The following TSPAN7 variants were observed in gnomAD, a reference collection of about 807,000 sequenced individuals.
TSPAN7 encodes the protein tetraspanin-7.
A neutral mutation model predicts 17.6 loss-of-function variants in TSPAN7; 1 was observed. That is an observed-to-expected ratio of 0.06 (90% CI 0.02 to 0.27). The LOEUF (loss-of-function observed/expected upper bound fraction) is 0.27. Ranked by LOEUF, TSPAN7 falls within the 10% of genes least tolerant of loss-of-function variation. The pLI, the probability that TSPAN7 is intolerant of heterozygous loss-of-function variation, is 1.00. For missense variants in TSPAN7, 112 were observed against 201.7 expected, an observed-to-expected ratio of 0.56 and a Z score of 2.69; for synonymous variants, 78 against 79.0, an observed-to-expected ratio of 0.99 and a Z score of 0.07.
At chrX:38,672,429 T>C (rs771245574) in intron 3 of TSPAN7, among the ~76,000 whole-genome samples, 1 of 110,021 alleles carries the variant, frequency 9.1e-6, no homozygotes, top group East Asian at 2.8e-4. Context: ...TGCTCTCTGC[T>C]CCCCTACTGC....
At chrX:38,643,399 C>A (rs761690852) in intron 1 of TSPAN7, among the ~76,000 whole-genome samples, 22 of 110,648 alleles carry the variant, frequency 2.0e-4, no homozygotes, top group African/African-American at 7.2e-4. Flanking sequence ...ACTGAAACAT[C>A]ACATTGAGAT....
rs953894732 is a variant in TSPAN7, at chrX:38,678,975, C to A, written c.598-2229C>A. Among the ~76,000 whole-genome samples, 4 of 111,454 alleles carry A rather than the reference C, an allele frequency of 3.6e-5. No individual in the cohort carries two copies. The Admixed American group carries it at 3.8e-4, about 11-fold the overall frequency. The stretch of plus-strand genomic sequence containing the variant: ...CCAATTCTGCATTTCTAACAAGCTC[C>A]TAGGTGAAGAAATACTGCTCATTCA... On this transcript the variant is annotated intron_variant, in intron 5 of 7. Transcript: ENST00000378482.
At chrX:38,662,439 TTGAC>T (rs1443706991) in intron 1 of TSPAN7, among the ~76,000 whole-genome samples, 3 of 111,451 alleles carry the variant, frequency 2.7e-5, no homozygotes, top group Non-Finnish European at 5.6e-5. Flanking sequence ...GTACAGAACA[TTGAC>T]TGTGTGCAAG....
chrX:38,567,753 T>C (rs970019052), intron 1 of TSPAN7, among the ~76,000 whole-genome samples: 1 of 112,191 alleles, frequency 8.9e-6, no homozygotes, highest in South Asian at 3.7e-4. Flanking sequence ...TTTTAGATGT[T>C]ATGTACTGTC....
intron 2 of TSPAN7, among the ~76,000 whole-genome samples, chrX:38,668,213 C>G (rs916376847): frequency 1.8e-5 from 2 of 112,056 alleles, no homozygotes; most frequent in Non-Finnish European, 3.8e-5. Flanking sequence ...TGGACTAAAT[C>G]ACCAAAGTTT....
chrX:38,650,440 C>A (rs1482742819), intron 1 of TSPAN7, among the ~76,000 whole-genome samples: 3 of 110,946 alleles, frequency 2.7e-5, no homozygotes, highest in Non-Finnish European at 3.8e-5. Flanking sequence ...CAGTCACTCA[C>A]AGTGTGTGCC....
At chrX:38,618,571 C>A (rs2069469901) in intron 1 of TSPAN7, among the ~76,000 whole-genome samples, 1 of 111,490 alleles carries the variant, frequency 9.0e-6, no homozygotes, top group Admixed American at 9.5e-5. Context: ...AAGGAGGGTT[C>A]ATTTCCCCAC....
chrX:38,675,589 C>A, intron 4 of TSPAN7, 116 bp from the exon 5 acceptor site: 1 of 882,570 alleles, frequency 1.1e-6, no homozygotes, highest in Non-Finnish European at 1.6e-6. Flanking sequence ...ACCAAAGCTG[C>A]ACATGTTGTC....
At chrX:38,635,516 A>C (rs762493023) in intron 1 of TSPAN7, among the ~76,000 whole-genome samples, 2 of 111,810 alleles carry the variant, frequency 1.8e-5, no homozygotes, top group Non-Finnish European at 3.8e-5. Context: ...TTTCTTAAGA[A>C]ATTCACACCA....
At chrX:38,658,738 G>A (rs1371913791) in intron 1 of TSPAN7, among the ~76,000 whole-genome samples, 1 of 110,974 alleles carries the variant, frequency 9.0e-6, no homozygotes, top group Non-Finnish European at 1.9e-5. Flanking sequence ...GCCCTCACCT[G>A]CAGCTCTGAC....
chrX:38,590,919 T>C (rs2069287669), intron 1 of TSPAN7, among the ~76,000 whole-genome samples: 1 of 111,685 alleles, frequency 9.0e-6, no homozygotes, highest in South Asian at 3.8e-4. Context: ...ATGTCTTCCC[T>C]CTGCTTTTTC....
intron 1 of TSPAN7, chrX:38,608,339 T>A (rs753942956): frequency 1.8e-5 from 2 of 110,890 alleles, no homozygotes; most frequent in African/African-American, 6.5e-5. Context: ...ACTGTTAGCA[T>A]GTGCCAAAGT....
At chrX:38,649,845 G>C (rs1357274280) in intron 1 of TSPAN7, among the ~76,000 whole-genome samples, 1 of 112,068 alleles carries the variant, frequency 8.9e-6, no homozygotes, top group African/African-American at 3.2e-5. Context: ...CCGGCTCACA[G>C]CCTTTTCTGA....
chrX:38,673,406 T>C (rs1331478842), intron 3 of TSPAN7, among the ~76,000 whole-genome samples: 2 of 105,156 alleles, frequency 1.9e-5, no homozygotes, highest in Non-Finnish European at 3.9e-5. Flanking sequence ...CTTGCTCTGT[T>C]GCCAAGGCTG....
At chrX:38,568,621 G>A (rs917969271) in intron 1 of TSPAN7, among the ~76,000 whole-genome samples, 3 of 110,616 alleles carry the variant, frequency 2.7e-5, no homozygotes, top group African/African-American at 6.6e-5. Context: ...AATATGCTCT[G>A]GTATATGTCT....
chrX:38,622,021 A>G (rs2069491291), intron 1 of TSPAN7, among the ~76,000 whole-genome samples: 1 of 112,451 alleles, frequency 8.9e-6, no homozygotes, highest in Non-Finnish European at 1.9e-5. Context: ...ATCTAAACTA[A>G]TTTATAAAGG....
chrX:38,604,297 A>G (rs1161031532), intron 1 of TSPAN7, among the ~76,000 whole-genome samples: 1 of 104,465 alleles, frequency 9.6e-6, no homozygotes, highest in Non-Finnish European at 2.0e-5. Flanking sequence ...GTTGGTTCCA[A>G]GTCTTTGCTA....
At position 38,621,577 on chromosome X, in the gene TSPAN7, A is replaced by AT. The variant is rs1208314359; in HGVS notation, c.82-44543dup. 7.1e-5 allele frequency among the ~76,000 whole-genome samples: 8 copies of AT among 112,344 alleles called. No individual in the cohort carries two copies. The East Asian group carries it at 2.2e-3, about 31-fold the overall frequency. ...GGGGTAGAAGATCAGAGGAATTCTC[A>AT]TCAAAATATTGCAAATTATCCCCTG... On this transcript the variant is annotated intron_variant, in intron 1 of 7. Coordinates refer to ENST00000378482, the MANE Select transcript of TSPAN7 (RefSeq NM_004615.4).
intron 1 of TSPAN7, among the ~76,000 whole-genome samples, chrX:38,665,086 T>G (rs943194993): frequency 8.9e-6 from 1 of 112,119 alleles, no homozygotes; most frequent in African/African-American, 3.2e-5. Context: ...GGTATGGATT[T>G]GTATCATGCC....
Sources: gnomAD v4.1 joint callset for allele counts (sites outside exome capture counted in the v4.1 genomes callset) on GRCh38, gnomAD v4.1.1 for gene constraint, MANE v1.5 for transcripts, NCBI Gene and HGNC (gene_info 2026-07-23, HGNC 2026-07-21) for gene names.